B3GALT1: variants seen among roughly 807,000 people sequenced by gnomAD.
The protein encoded by B3GALT1 is beta-1,3-galactosyltransferase 1, also known as UDP-Gal:betaGlcNAc beta 1,3-galactosyltransferase, polypeptide 1.
A neutral mutation model predicts 23.2 loss-of-function variants in B3GALT1; 10 were observed. That is an observed-to-expected ratio of 0.43 (90% CI 0.27 to 0.73). The LOEUF is 0.73. Among genes scored for constraint, B3GALT1 ranks in the 30% least tolerant of loss-of-function variants. The probability of loss-of-function intolerance (pLI) is 0.21; values close to 1 mark genes in which losing one functional copy is unlikely to be tolerated. For synonymous variants in B3GALT1, 156 were observed against 141.5 expected, an observed-to-expected ratio of 1.10 and a Z score of -0.73; for missense variants, 299 against 405.4, an observed-to-expected ratio of 0.74 and a Z score of 2.25.
chr2:167,693,997 G>A (rs182379377), intron 3 of B3GALT1, among the ~76,000 whole-genome samples: 2 of 152,222 alleles, frequency 1.3e-5, no homozygotes, highest in Non-Finnish European at 2.9e-5. Context: ...TGAGAGCTCA[G>A]CTGGGACTGG....
At chr2:167,525,517 C>G (rs12470779) in intron 2 of B3GALT1, among the ~76,000 whole-genome samples, 57,032 of 151,864 alleles carry the variant, frequency 0.38, 11,695 homozygotes, top group East Asian at 0.81. Context: ...ATTTATATTG[C>G]TATGGACTTA....
intron 1 of B3GALT1, among the ~76,000 whole-genome samples, chr2:167,300,059 C>T (rs957829564): frequency 4.6e-5 from 7 of 151,964 alleles, no homozygotes; most frequent in South Asian, 4.1e-4. Flanking sequence ...CCCGCCACCA[C>T]GCCTGGCTAT....
intron 1 of B3GALT1, among the ~76,000 whole-genome samples, chr2:167,452,757 A>C (rs1038921595): frequency 2.0e-5 from 3 of 152,202 alleles, no homozygotes; most frequent in African/African-American, 7.2e-5. Flanking sequence ...TTGCCAAATC[A>C]CATTAAATCT....
chr2:167,336,994 G>A (rs1247425609), intron 1 of B3GALT1, among the ~76,000 whole-genome samples: 1 of 152,082 alleles, frequency 6.6e-6, no homozygotes, highest in African/African-American at 2.4e-5. Context: ...TTCCCATTCA[G>A]CTGTCCGAGG....
At position 167,370,966 on chromosome 2, in the gene B3GALT1, A is replaced by G. The variant is rs551006210; in HGVS notation, c.-511+77632A>G. Reference sequence around the variant, plus strand: ...AACAAACAAAAAACCTTATTGATCAATTGCATGAAACAATAAAATTGCATT... The same window carrying G: ...AACAAACAAAAAACCTTATTGATCAGTTGCATGAAACAATAAAATTGCATT... On this transcript the variant is annotated intron_variant, in intron 1 of 4. Transcript: ENST00000392690. Among the ~76,000 whole-genome samples, 12 of 152,252 alleles carry G rather than the reference A, an allele frequency of 7.9e-5. No homozygotes were observed. In the South Asian group the frequency reaches 2.5e-3, roughly 32 times the overall value.
intron 1 of B3GALT1, among the ~76,000 whole-genome samples, chr2:167,373,060 A>T (rs949786698): frequency 6.6e-6 from 1 of 152,142 alleles, no homozygotes; most frequent in Non-Finnish European, 1.5e-5. Context: ...ATACAGAAAT[A>T]GGCCTATACC....
chr2:167,632,913 G>A (rs940201810), intron 2 of B3GALT1, among the ~76,000 whole-genome samples: 19 of 151,904 alleles, frequency 1.3e-4, no homozygotes, highest in African/African-American at 4.1e-4. Flanking sequence ...TTTCTTCTAG[G>A]GGTTTTATGG....
chr2:167,542,647 A>C (rs1399193280), intron 2 of B3GALT1, among the ~76,000 whole-genome samples: 1 of 152,162 alleles, frequency 6.6e-6, no homozygotes, highest in Admixed American at 6.5e-5. Context: ...TATTCTCAAA[A>C]ATTTTTGAGA....
intron 3 of B3GALT1, among the ~76,000 whole-genome samples, chr2:167,740,694 T>A (rs1687565515): frequency 6.6e-6 from 1 of 152,158 alleles, no homozygotes; most frequent in African/African-American, 2.4e-5. Context: ...GTGCAAATAC[T>A]CTGAAAAGTA....
At chr2:167,558,788 T>G (rs1211154971) in intron 2 of B3GALT1, among the ~76,000 whole-genome samples, 1 of 152,128 alleles carries the variant, frequency 6.6e-6, no homozygotes, top group Non-Finnish European at 1.5e-5. Context: ...CTTGCTTAGG[T>G]AAACAAAGCA....
chr2:167,529,963 C>T (rs1285494541), intron 2 of B3GALT1, among the ~76,000 whole-genome samples: 1 of 152,086 alleles, frequency 6.6e-6, no homozygotes, highest in Non-Finnish European at 1.5e-5. Context: ...CTAGTGGAGT[C>T]CTGTCATCTT....
chr2:167,407,717 A>G (rs538698615), intron 1 of B3GALT1, among the ~76,000 whole-genome samples: 1 of 152,282 alleles, frequency 6.6e-6, no homozygotes, highest in African/African-American at 2.4e-5. Context: ...TTATACTCCA[A>G]CAAACTTGGA....
chr2:167,700,761 T>C (rs1686868935), intron 3 of B3GALT1, among the ~76,000 whole-genome samples: 1 of 152,124 alleles, frequency 6.6e-6, no homozygotes, highest in Non-Finnish European at 1.5e-5. Flanking sequence ...GTGGAACTAC[T>C]ATGGCGAATA....
chr2:167,835,753 A>G (rs1689451518), intron 4 of B3GALT1, among the ~76,000 whole-genome samples: 3 of 152,216 alleles, frequency 2.0e-5, no homozygotes, highest in Non-Finnish European at 4.4e-5. Flanking sequence ...CTGACCCCTG[A>G]GCAGCCTAAC....
At chr2:167,433,613 C>T (rs1698736737) in intron 1 of B3GALT1, among the ~76,000 whole-genome samples, 1 of 151,864 alleles carries the variant, frequency 6.6e-6, no homozygotes, top group South Asian at 2.1e-4. Flanking sequence ...GTTTTAAAAG[C>T]AATTAAGAGC....
intron 1 of B3GALT1, among the ~76,000 whole-genome samples, chr2:167,350,924 G>A (rs1697299030): frequency 6.6e-6 from 1 of 152,184 alleles, no homozygotes; most frequent in Admixed American, 6.5e-5. Flanking sequence ...AACCTTGGCT[G>A]CATGCATATG....
intron 3 of B3GALT1, among the ~76,000 whole-genome samples, chr2:167,692,533 C>T (rs1319493171): frequency 6.6e-6 from 1 of 152,080 alleles, no homozygotes; most frequent in South Asian, 2.1e-4. Context: ...TAGAGCTCAG[C>T]ACAATTCCCC....
In B3GALT1 at chr2:167,873,247, T is replaced by C. The variant is rs1690386020; in HGVS notation, c.*3227T>C. 2.0e-5 allele frequency: 3 copies of C among 152,200 alleles called. No individual in the cohort carries two copies. The highest frequency in any genetic ancestry group is 2.1e-4 in the South Asian group (1 of 4,830). 9.4% of individuals were successfully genotyped at this position (152,200 alleles called of 1,614,324 possible). A position where few individuals can be genotyped will look rare whatever the true frequency, so the allele number is the denominator to read the frequency against. ...AAAGTTCCTTTTTTTAATTTACTTTTTGGAAAAACGTTTCTCTTTGGTGGC... is the reference window on the plus strand; with the variant it reads ...AAAGTTCCTTTTTTTAATTTACTTTCTGGAAAAACGTTTCTCTTTGGTGGC... On this transcript the variant is annotated 3_prime_UTR_variant, in exon 5 of 5. Transcript: ENST00000392690.
chr2:167,330,893 T>A (rs1246758393), intron 1 of B3GALT1, among the ~76,000 whole-genome samples: 1 of 152,184 alleles, frequency 6.6e-6, no homozygotes, highest in East Asian at 1.9e-4. Context: ...AATGTATCAA[T>A]TTGCCTTGCT....
Sources: allele counts gnomAD v4.1 joint callset (sites outside exome capture counted in the v4.1 genomes callset), GRCh38; gene constraint gnomAD v4.1.1; transcripts MANE v1.5; gene names NCBI Gene and HGNC (gene_info 2026-07-23, HGNC 2026-07-21).